The following LRRC9 variants were observed in gnomAD, a reference collection of about 807,000 sequenced individuals.
LRRC9 encodes the protein leucine-rich repeat-containing protein 9.
A neutral mutation model predicts 63.2 loss-of-function variants in LRRC9; 122 were observed. The observed-to-expected ratio is 1.93, with a 90% CI of 1.67 to 2.24. The LOEUF is 2.24. Among genes scored for constraint, LRRC9 ranks in the 30% most tolerant of loss-of-function variants. The pLI, the probability that LRRC9 is intolerant of heterozygous loss-of-function variation, is 0.00. For missense variants in LRRC9, 1,071 were observed against 627.7 expected, an observed-to-expected ratio of 1.71 and a Z score of -7.55; for synonymous variants, 366 against 213.1, an observed-to-expected ratio of 1.72 and a Z score of -6.25.
At position 60,027,505 on chromosome 14, in the gene LRRC9, T is replaced by C. The variant is rs1891653784; in HGVS notation, c.3704-379T>C. Among the ~76,000 whole-genome samples, 1 of 152,164 alleles carries C rather than the reference T, an allele frequency of 6.6e-6. No homozygotes were observed. Among genetic ancestry groups the C allele is most frequent in the African/African-American group, 2.4e-5 (1 of 41,562 alleles). ...TAGTCTATTTTAAGAAATAATTAAA[T>C]ATACTATTGTAATATCTATTAGAGT... On this transcript the variant is annotated intron_variant, in intron 27 of 31. Transcript: ENST00000445360. The surrounding 1 kb of genome is among the most constrained non-coding windows in gnomAD (Gnocchi z 4.0).
chr14:60,013,630 T>C (rs1890436945), intron 23 of LRRC9, among the ~76,000 whole-genome samples: 1 of 152,164 alleles, frequency 6.6e-6, no homozygotes, highest in African/African-American at 2.4e-5. Context: ...TATGTCTTCT[T>C]GGTGGACTGA....
intron 31 of LRRC9, among the ~76,000 whole-genome samples, chr14:60,061,447 A>AT (rs1456583468): frequency 6.6e-6 from 1 of 152,222 alleles, no homozygotes; most frequent in Admixed American, 6.5e-5. Flanking sequence ...GCAATAAAGT[A>AT]TTTTTAAATT....
chr14:59,978,201 A>T, intron 15 of LRRC9, 69 bp downstream of exon 15: 1 of 677,232 alleles, frequency 1.5e-6, no homozygotes, highest in East Asian at 2.7e-5. Flanking sequence ...AGTAATTTGA[A>T]GTCGAATAAT....
intron 29 of LRRC9, among the ~76,000 whole-genome samples, chr14:60,052,708 G>A (rs1173986515): frequency 6.6e-6 from 1 of 152,214 alleles, no homozygotes; most frequent in Non-Finnish European, 1.5e-5. Flanking sequence ...TTCAGTAGGT[G>A]TGTGTTGAAT....
intron 8 of LRRC9, among the ~76,000 whole-genome samples, chr14:59,951,890 C>G (rs1373364842): frequency 2.6e-5 from 4 of 152,192 alleles, no homozygotes; most frequent in Non-Finnish European, 5.9e-5. Context: ...GGGAGAACCA[C>G]TGCTCTCTTC....
Position 59,986,892 on chromosome 14 carries a change from T to C in LRRC9, c.2211+1668T>C, listed in dbSNP as rs1377154025. On this transcript the variant is annotated intron_variant, in intron 17 of 31. Transcript: ENST00000445360. This position sits in a 1 kb window ranked among gnomAD's most constrained non-coding sequence, Gnocchi z 4.7. ...TGGTATTTTCAAATTTTAGGATGAG[T>C]AAAGGTGGCTAGCTATAGACCTTTC... 6.6e-6 allele frequency among the ~76,000 whole-genome samples: 1 copy of C among 152,152 alleles called. No homozygotes were observed. Among genetic ancestry groups the C allele is most frequent in the Non-Finnish European group, 1.5e-5 (1 of 68,032 alleles).
At position 59,968,569 on chromosome 14, in the gene LRRC9, C is replaced by T. The variant is rs1025434755; in HGVS notation, c.1506+1356C>T. 2.0e-5 allele frequency among the ~76,000 whole-genome samples: 3 copies of T among 152,174 alleles called. No homozygotes were observed. The East Asian group carries it at 5.8e-4, about 29-fold the overall frequency. On this transcript the variant is annotated intron_variant, in intron 12 of 31. Transcript: ENST00000445360. Reference sequence around the variant, plus strand: ...GGGGAGCTATTGCAGCAGCTCAGGCCATAGAGGTTGGTACTGTCACTGCAG... The same window carrying T: ...GGGGAGCTATTGCAGCAGCTCAGGCTATAGAGGTTGGTACTGTCACTGCAG...
downstream of LRRC9, among the ~76,000 whole-genome samples, chr14:60,066,260 C>A (rs779270449): frequency 1.3e-5 from 2 of 151,764 alleles, no homozygotes; most frequent in Admixed American, 6.6e-5. Flanking sequence ...TTACAAATAA[C>A]CCTTATATTT....
In LRRC9 at chr14:60,036,042, T is replaced by TA. The variant is rs539512050; in HGVS notation, c.3990+3980dup. ...CTTCCTGGCTTGCAGATAGTTGTCTTACTGTATCCTAACATGGCTCTGGTG... is the reference window on the plus strand; with the variant it reads ...CTTCCTGGCTTGCAGATAGTTGTCTTAACTGTATCCTAACATGGCTCTGGTG... On this transcript the variant is annotated intron_variant, in intron 29 of 31. Coordinates refer to ENST00000445360, the Ensembl canonical transcript of LRRC9. Among the ~76,000 whole-genome samples, 87 of 152,294 alleles carry TA rather than the reference T, an allele frequency of 5.7e-4. 2 individuals carry two copies. The East Asian group carries it at 0.016, about 28-fold the overall frequency.
chr14:60,046,221 T>G (rs1893413339), intron 29 of LRRC9, among the ~76,000 whole-genome samples: 1 of 152,222 alleles, frequency 6.6e-6, no homozygotes, highest in African/African-American at 2.4e-5. Context: ...TTCTGTAGGT[T>G]GCCTGTGCAC....
At chr14:59,937,195 T>TAAA (rs755193026) in intron 6 of LRRC9, among the ~76,000 whole-genome samples, 6 of 89,464 alleles carry the variant, frequency 6.7e-5, no homozygotes, top group East Asian at 3.1e-4. Context: ...ATGTTTTCTG[T>TAAA]AAAAAAAAAA....
chr14:60,011,512 T>C (rs1247006645), intron 23 of LRRC9, among the ~76,000 whole-genome samples: 12 of 152,228 alleles, frequency 7.9e-5, no homozygotes, highest in Admixed American at 7.2e-4. Flanking sequence ...ATAAACCCTA[T>C]AGGATCTTAC....
chr14:60,063,551 T>TA (rs1404418128), exon 32 of LRRC9: 6 of 484,126 alleles, frequency 1.2e-5, no homozygotes, highest in African/African-American at 2.0e-5. Flanking sequence ...TCACCTCTCT[T>TA]AAACTTTCTT....
At chr14:59,943,529 C>T (rs1327612571) in intron 7 of LRRC9, among the ~76,000 whole-genome samples, 6 of 151,706 alleles carry the variant, frequency 4.0e-5, no homozygotes, top group African/African-American at 1.4e-4. Flanking sequence ...TCTTTTAACT[C>T]AGTTGCACTT....
intron 8 of LRRC9, among the ~76,000 whole-genome samples, chr14:59,947,551 CT>C (rs1882591609): frequency 7.6e-6 from 1 of 132,290 alleles, no homozygotes; most frequent in African/African-American, 3.0e-5. Context: ...GTTGCCATTG[CT>C]TTTGGTGTTT....
rs540381626 is a variant in LRRC9 at position 59,922,083 on chromosome 14, C to CAA, written c.-34+2209_-34+2210dup. ...TGGGCAGCAAAGTGAGATTCTGTCT[C>CAA]AAAAAAAAAATAAATAAATAAATAA... is the stretch of plus-strand genomic sequence containing the variant. On this transcript the variant is annotated intron_variant, in intron 1 of 31. Transcript: ENST00000445360. This position sits in a 1 kb window ranked among gnomAD's most constrained non-coding sequence, Gnocchi z 5.3. Among the ~76,000 whole-genome samples the CAA allele has an allele frequency of 1.5e-5, 2 of 133,686 alleles. No individual in the cohort carries two copies. The highest frequency in any genetic ancestry group is 3.2e-5 in the Non-Finnish European group (2 of 62,290). 87.7% of individuals were successfully genotyped at this position (133,686 alleles called of 152,430 possible).
intron 27 of LRRC9, among the ~76,000 whole-genome samples, chr14:60,025,611 T>C (rs2140305773): frequency 6.6e-6 from 1 of 151,882 alleles, no homozygotes; most frequent in East Asian, 1.9e-4. Context: ...AAGGTGTTTG[T>C]CTACATAGAT....
At chr14:60,021,861 C>T (rs562161720) in intron 26 of LRRC9, among the ~76,000 whole-genome samples, 2 of 151,926 alleles carry the variant, frequency 1.3e-5, no homozygotes, top group South Asian at 4.1e-4. Flanking sequence ...CCTTTTGTGC[C>T]AGTACTAGAC....
intron 26 of LRRC9, among the ~76,000 whole-genome samples, chr14:60,020,565 C>T (rs1387863219): frequency 1.3e-5 from 2 of 151,816 alleles, no homozygotes; most frequent in Non-Finnish European, 2.9e-5. Context: ...ATAATCATGA[C>T]TGCAATACAA....
Sources: allele counts gnomAD v4.1 joint callset (sites outside exome capture counted in the v4.1 genomes callset), GRCh38; gene constraint gnomAD v4.1.1; non-coding constraint Gnocchi (gnomAD v3.1); transcripts MANE v1.5; gene names NCBI Gene and HGNC (gene_info 2026-07-23, HGNC 2026-07-21).